Variants in PARD3 observed in about 807,000 individuals in gnomAD.
PARD3 encodes the protein par-3 family cell polarity regulator, also known as partitioning defective 3 homolog.
PARD3 carries 75 observed loss-of-function variants against 155.4 expected under a neutral mutation model. That is an observed-to-expected ratio of 0.48 (90% CI 0.40 to 0.58). The LOEUF (loss-of-function observed/expected upper bound fraction) is 0.58. Ranked by LOEUF, PARD3 falls within the 20% of genes least tolerant of loss-of-function variation. The pLI is 0.00. For missense variants in PARD3, 1,642 were observed against 1,721.7 expected (o/e 0.95, Z 0.82); for synonymous variants, 576 against 610.5 (o/e 0.94, Z 0.83).
Position 34,359,241 on chromosome 10 carries a change from G to A in PARD3, c.1973C>T (p.Ala658Val). The part of the protein sequence containing the change: ...ESLLGKTNQD[A>V]METLRRSMST... ...CATAGACCTTCTTAGGGTTTCCATGGCATCTTGGTTTGTCTTGCCCAACAG... is the reference window on the plus strand; with the variant it reads ...CATAGACCTTCTTAGGGTTTCCATGACATCTTGGTTTGTCTTGCCCAACAG... Residue 658 changes from alanine to valine, a missense_variant, in exon 14 of 25, where the codon GCC becomes GTC. Coordinates refer to ENST00000374788, the MANE Select transcript of PARD3 (RefSeq NM_001184785.2). 6.2e-7 allele frequency: 1 copy of A among 1,613,190 alleles called. No homozygotes were observed. The highest frequency in any genetic ancestry group is 1.1e-5 in the South Asian group (1 of 91,040).
intron 2 of PARD3, among the ~76,000 whole-genome samples, chr10:34,552,818 C>T (rs1408290065): frequency 2.6e-5 from 4 of 151,882 alleles, no homozygotes; most frequent in African/African-American, 9.7e-5. Context: ...AATAAACGGA[C>T]TGAAAAAAAC....
chr10:34,761,011 A>G (rs1253950080), intron 1 of PARD3, among the ~76,000 whole-genome samples: 1 of 152,228 alleles, frequency 6.6e-6, no homozygotes, highest in Non-Finnish European at 1.5e-5. Flanking sequence ...ATTTCTTTAT[A>G]TATGATCCTG....
intron 2 of PARD3, among the ~76,000 whole-genome samples, chr10:34,565,072 T>C (rs117164009): frequency 0.032 from 4,911 of 151,614 alleles, 128 homozygotes; most frequent in Non-Finnish European, 0.05. Context: ...TGAGCAATAC[T>C]GTCTATAAAA....
intron 2 of PARD3, among the ~76,000 whole-genome samples, chr10:34,685,739 G>A (rs1027087679): frequency 1.6e-4 from 25 of 152,058 alleles, no homozygotes; most frequent in Non-Finnish European, 3.1e-4. Context: ...GACGACAGGC[G>A]CGCATGACCA....
At chr10:34,663,813 A>G (rs1286046934) in intron 2 of PARD3, 2 of 152,130 alleles carry the variant, frequency 1.3e-5, no homozygotes, top group Non-Finnish European at 2.9e-5. Flanking sequence ...TTAAAAGAAA[A>G]AAAAAAACAG....
At chr10:34,147,555 T>C (rs1948575236) in intron 22 of PARD3, among the ~76,000 whole-genome samples, 1 of 151,870 alleles carries the variant, frequency 6.6e-6, no homozygotes, top group Non-Finnish European at 1.5e-5. Flanking sequence ...AGTTTATATA[T>C]ATAGTAAAAT....
At chr10:34,261,700 G>GAAA (rs200641742) in intron 22 of PARD3, among the ~76,000 whole-genome samples, 2,606 of 36,230 alleles carry the variant, frequency 0.072, 122 homozygotes, top group African/African-American at 0.19. Context: ...AAGAAAGAAA[G>GAAA]GAAGAAAGGA....
intron 1 of PARD3, among the ~76,000 whole-genome samples, chr10:34,792,019 G>T (rs1841697853): frequency 6.6e-6 from 1 of 152,038 alleles, no homozygotes; most frequent in South Asian, 2.1e-4. Flanking sequence ...GCCTCCCTCG[G>T]CCACCTCCCA....
chr10:34,581,596 A>T (rs995111508), intron 2 of PARD3, among the ~76,000 whole-genome samples: 2 of 152,152 alleles, frequency 1.3e-5, no homozygotes, highest in Non-Finnish European at 2.9e-5. Flanking sequence ...AGAATTTTGG[A>T]AGTGAAAGGA....
intron 22 of PARD3, among the ~76,000 whole-genome samples, chr10:34,225,810 C>T (rs1278246796): frequency 6.6e-6 from 1 of 152,022 alleles, no homozygotes; most frequent in Non-Finnish European, 1.5e-5. Context: ...GAGAAAAATC[C>T]TCATGGTTCT....
At chr10:34,705,488 A>G (rs1350774812) in intron 1 of PARD3, among the ~76,000 whole-genome samples, 4 of 117,710 alleles carry the variant, frequency 3.4e-5, no homozygotes, top group African/African-American at 1.7e-4. Flanking sequence ...ACCCTGTCTC[A>G]GGAAAAAAAA....
intron 22 of PARD3, among the ~76,000 whole-genome samples, chr10:34,155,382 A>G (rs1948957407): frequency 6.6e-6 from 1 of 152,222 alleles, no homozygotes; most frequent in Non-Finnish European, 1.5e-5. Flanking sequence ...AACAAGAATA[A>G]CAATAGAGGA....
chr10:34,697,068 T>C (rs887547331), intron 1 of PARD3, among the ~76,000 whole-genome samples: 11 of 150,108 alleles, frequency 7.3e-5, no homozygotes, highest in Admixed American at 2.7e-4. Flanking sequence ...CCCTCAAAAT[T>C]TGCAGTGGTT....
chr10:34,604,236 G>A (rs912373822), intron 2 of PARD3, among the ~76,000 whole-genome samples: 4 of 152,180 alleles, frequency 2.6e-5, no homozygotes, highest in Admixed American at 1.3e-4. Flanking sequence ...TGAGGGATGC[G>A]AAGTATGAAC....
chr10:34,422,796 G>A (rs917425354), intron 5 of PARD3, among the ~76,000 whole-genome samples: 3 of 152,142 alleles, frequency 2.0e-5, no homozygotes, highest in African/African-American at 7.2e-5. Flanking sequence ...TACTAAAGAG[G>A]ATGTGGACAA....
intron 2 of PARD3, among the ~76,000 whole-genome samples, chr10:34,528,603 T>G (rs2082631187): frequency 6.6e-6 from 1 of 152,238 alleles, no homozygotes; most frequent in South Asian, 2.1e-4. Flanking sequence ...TTAGGATGTT[T>G]CCTGTAAGTA....
At chr10:34,530,186 A>G (rs557526196) in intron 2 of PARD3, among the ~76,000 whole-genome samples, 1 of 152,178 alleles carries the variant, frequency 6.6e-6, no homozygotes, top group Non-Finnish European at 1.5e-5. Context: ...GGGAGGCAGG[A>G]GAGACAGGCA....
chr10:34,387,341 A>G (rs1842452839), intron 7 of PARD3, among the ~76,000 whole-genome samples: 3 of 152,196 alleles, frequency 2.0e-5, no homozygotes, highest in South Asian at 4.1e-4. Context: ...ATTTATTTAA[A>G]TTTATGAAAC....
intron 13 of PARD3, 94 bp from the exon 14 acceptor site, chr10:34,359,411 G>C: frequency 4.1e-5 from 30 of 739,130 alleles, no homozygotes; most frequent in East Asian, 6.4e-5. Context: ...TAAAAACAAA[G>C]CAAAAAAAAA....
Sources: gnomAD v4.1 joint callset for allele counts (sites outside exome capture counted in the v4.1 genomes callset) on GRCh38, gnomAD v4.1.1 for gene constraint, MANE v1.5 for transcripts, NCBI Gene and HGNC (gene_info 2026-07-23, HGNC 2026-07-21) for gene names.